Variants in MED13 observed in about 807,000 individuals in gnomAD.
The protein encoded by MED13 is mediator complex subunit 13.
MED13 carries 23 observed loss-of-function variants against 225.2 expected under a neutral mutation model. The ratio of observed to expected loss-of-function variants is 0.10; its 90% CI spans 0.07 to 0.14. The LOEUF (loss-of-function observed/expected upper bound fraction) is 0.14. Ranked by LOEUF, MED13 falls within the 10% of genes least tolerant of loss-of-function variation. MED13 has a pLI of 1.00. For missense variants in MED13, 2,197 were observed against 2,594.5 expected, an observed-to-expected ratio of 0.85 and a Z score of 3.33; for synonymous variants, 942 against 889.2, an observed-to-expected ratio of 1.06 and a Z score of -1.06.
intron 9 of MED13, chr17:62,004,774 T>C (rs1251469745): frequency 3.3e-5 from 5 of 152,180 alleles, no homozygotes; most frequent in African/African-American, 7.2e-5. Context: ...AGAGAATACA[T>C]GTAGAATAGA....
chr17:62,033,045 A>T (rs111491571), intron 5 of MED13, among the ~76,000 whole-genome samples: 1 of 151,966 alleles, frequency 6.6e-6, no homozygotes, highest in Non-Finnish European at 1.5e-5. Context: ...AGCTACTCTC[A>T]AGACTGAGGC....
At chr17:61,959,987 A>G (rs1461349991) in intron 23 of MED13, among the ~76,000 whole-genome samples, 5 of 152,030 alleles carry the variant, frequency 3.3e-5, no homozygotes, top group Admixed American at 6.6e-5. Context: ...TCAGCCTCCC[A>G]AAGTGCTGGG....
At chr17:62,007,682 A>T (rs1188685194) in intron 9 of MED13, among the ~76,000 whole-genome samples, 2 of 151,122 alleles carry the variant, frequency 1.3e-5, no homozygotes. Flanking sequence ...CCCCGTCTCT[A>T]CTAAAAATAC....
chr17:61,958,581 C>A (rs1184471808), intron 23 of MED13, among the ~76,000 whole-genome samples: 2 of 152,120 alleles, frequency 1.3e-5, no homozygotes, highest in Non-Finnish European at 1.5e-5. Context: ...TCGTGACCTG[C>A]CCACCTTGGC....
chr17:62,061,022 CAAGT>C (rs1568009264), intron 2 of MED13, among the ~76,000 whole-genome samples: 1 of 152,066 alleles, frequency 6.6e-6, no homozygotes, highest in East Asian at 1.9e-4. Context: ...TTTAAAGGTA[CAAGT>C]AACTACCATT....
intron 3 of MED13, among the ~76,000 whole-genome samples, chr17:62,049,195 C>T (rs1020905813): frequency 3.3e-5 from 5 of 150,478 alleles, no homozygotes; most frequent in Admixed American, 6.6e-5. Context: ...TAATCCAAAT[C>T]GGAAAAGAAG....
At chr17:62,050,363 A>G (rs78259537) in intron 3 of MED13, among the ~76,000 whole-genome samples, 1 of 151,512 alleles carries the variant, frequency 6.6e-6, no homozygotes, top group Non-Finnish European at 1.5e-5. Flanking sequence ...CGTATCAGAA[A>G]AAAAAAAAAA....
Position 61,985,010 on chromosome 17 carries a change from T to C in MED13, c.2466A>G (p.Leu822=), listed in dbSNP as rs1014798261. 6.2e-7 allele frequency: 1 copy of C among 1,613,812 alleles called. No individual in the cohort carries two copies. Among genetic ancestry groups the C allele is most frequent in the Non-Finnish European group, 8.5e-7 (1 of 1,179,976 alleles). The change falls in exon 13 of 30, where the codon TTA becomes TTG. Residue 822 remains leucine, a synonymous_variant. Coordinates refer to ENST00000397786, the MANE Select transcript of MED13 (RefSeq NM_005121.3). ...KESKTGNLDP[L]SCISTADLHK... ...ATGAGGGAAGCTTACTTATGCAAGATAACGGGTCCAGATTTCCTGTCTTTG... is the reference window on the plus strand; with the variant it reads ...ATGAGGGAAGCTTACTTATGCAAGACAACGGGTCCAGATTTCCTGTCTTTG...
chr17:61,994,708 ATTTTTCTT>A (rs2080332669), intron 10 of MED13, among the ~76,000 whole-genome samples: 1 of 151,996 alleles, frequency 6.6e-6, no homozygotes, highest in African/African-American at 2.4e-5. Context: ...AAAAAAATAC[ATTTTTCTT>A]TTTTTCTTTT....
chr17:61,944,293 G>A lies in MED13; in HGVS notation c.*2175C>T, dbSNP rs577187831. On this transcript the variant is annotated 3_prime_UTR_variant, in exon 30 of 30. Coordinates refer to ENST00000397786, the MANE Select transcript of MED13 (RefSeq NM_005121.3). ...GAGAATATAACTTTTATTTTGTAAA[G>A]TCACTATTAAGTGTATAAAAAGGAT... The A allele has an allele frequency of 2.6e-5, 4 of 152,030 alleles. No individual in the cohort carries two copies. The South Asian group carries it at 8.4e-4, about 32-fold the overall frequency. 9.4% of individuals were successfully genotyped at this position (152,030 alleles called of 1,614,324 possible).
At chr17:62,009,253 T>C (rs1389141668) in intron 9 of MED13, among the ~76,000 whole-genome samples, 1 of 152,164 alleles carries the variant, frequency 6.6e-6, no homozygotes, top group Non-Finnish European at 1.5e-5. Flanking sequence ...AAGGGATACC[T>C]GGAAAAAAGC....
intron 23 of MED13, among the ~76,000 whole-genome samples, chr17:61,958,319 G>A (rs1183403018): frequency 6.6e-6 from 1 of 151,816 alleles, no homozygotes; most frequent in African/African-American, 2.4e-5. Context: ...AGGCGCGTGC[G>A]ACCACACCCC....
intron 2 of MED13, among the ~76,000 whole-genome samples, chr17:62,060,271 C>A (rs992552251): frequency 1.3e-5 from 2 of 150,530 alleles, no homozygotes; most frequent in Non-Finnish European, 3.0e-5. Flanking sequence ...CCAGCCTGGG[C>A]GACAAAGCAA....
Position 61,944,967 on chromosome 17 carries a change from G to A in MED13, c.*1501C>T, listed in dbSNP as rs1466692475. The A allele has an allele frequency of 6.6e-6, 1 of 152,540 alleles. No individual in the cohort carries two copies. The highest frequency in any genetic ancestry group is 1.5e-5 in the Non-Finnish European group (1 of 68,032). 9.4% of individuals were successfully genotyped at this position (152,540 alleles called of 1,614,324 possible). A position where few individuals can be genotyped will look rare whatever the true frequency, so the allele number is the denominator to read the frequency against. On this transcript the variant is annotated 3_prime_UTR_variant, in exon 30 of 30. Coordinates refer to ENST00000397786, the MANE Select transcript of MED13 (RefSeq NM_005121.3). ...AAGGGGGAAAGTTGTATTGAAGGAG[G>A]GGTGAATTAAAGTCCCTAAAATTCA...
intron 1 of MED13, 51 bp from the exon 2 acceptor site, chr17:62,063,352 A>T: frequency 8.5e-7 from 1 of 1,176,750 alleles, no homozygotes; most frequent in Non-Finnish European, 1.2e-6. Flanking sequence ...ACTCAAAGTC[A>T]AAAGTACTCA....
At chr17:61,966,417 C>T (rs1349468009) in intron 19 of MED13, 45 bp downstream of exon 19, 1 of 1,463,626 alleles carries the variant, frequency 6.8e-7, no homozygotes, top group Admixed American at 2.2e-5. Flanking sequence ...GAGCAGGCCA[C>T]ATTTTGCTAA....
intron 9 of MED13, among the ~76,000 whole-genome samples, chr17:62,008,317 C>CAAA (rs766909961): frequency 3.3e-4 from 11 of 33,192 alleles, no homozygotes; most frequent in African/African-American, 7.5e-4. Flanking sequence ...GGCTCTGTCT[C>CAAA]AAAAAAAAAA....
At chr17:62,000,883 C>A (rs888906301) in intron 9 of MED13, among the ~76,000 whole-genome samples, 2 of 152,136 alleles carry the variant, frequency 1.3e-5, no homozygotes, top group Non-Finnish European at 2.9e-5. Context: ...CTACCTCAGC[C>A]TCCTGAATAG....
chr17:62,034,666 T>C lies in MED13; in HGVS notation c.617-682A>G, dbSNP rs562930448. On this transcript the variant is annotated intron_variant, in intron 4 of 29. Transcript: ENST00000397786. The stretch of plus-strand genomic sequence containing the variant: ...TCTAAATATTTATAATGTACTGCCA[T>C]GTAAACTTTAAAAAGCAAATATTAG... Among the ~76,000 whole-genome samples, 4 of 152,234 alleles carry C rather than the reference T, an allele frequency of 2.6e-5. No individual in the cohort carries two copies. In the East Asian group the frequency reaches 5.8e-4, roughly 22 times the overall value.
Sources: gnomAD v4.1 joint callset for allele counts (sites outside exome capture counted in the v4.1 genomes callset) on GRCh38, gnomAD v4.1.1 for gene constraint, MANE v1.5 for transcripts, NCBI Gene and HGNC (gene_info 2026-07-23, HGNC 2026-07-21) for gene names.